Variants in CCDC85A observed in about 807,000 individuals in gnomAD.
CCDC85A encodes coiled-coil domain containing 85A, also known as coiled-coil domain-containing protein 85A.
A neutral mutation model predicts 50.2 loss-of-function variants in CCDC85A; 38 were observed. That is an observed-to-expected ratio of 0.76 (90% CI 0.58 to 0.99). The LOEUF (loss-of-function observed/expected upper bound fraction) is 0.99. CCDC85A is among the 50% of genes least tolerant of loss of function. The pLI is 0.00. For missense variants in CCDC85A, 820 were observed against 742.0 expected, an observed-to-expected ratio of 1.11 and a Z score of -1.22; for synonymous variants, 366 against 301.4, an observed-to-expected ratio of 1.21 and a Z score of -2.22.
At chr2:56,239,866 C>T (rs912214700) in intron 2 of CCDC85A, among the ~76,000 whole-genome samples, 8 of 152,082 alleles carry the variant, frequency 5.3e-5, no homozygotes, top group African/African-American at 1.9e-4. Flanking sequence ...CATTATAACT[C>T]GAGATCTTTT....
intron 1 of CCDC85A, among the ~76,000 whole-genome samples, chr2:56,186,601 T>C (rs1676058186): frequency 6.6e-6 from 1 of 152,238 alleles, no homozygotes; most frequent in Admixed American, 6.5e-5. Flanking sequence ...TCTTCCATGG[T>C]CTGAACAATA....
chr2:56,384,633 G>A lies in CCDC85A; in HGVS notation c.*278G>A, dbSNP rs1022273996. On this transcript the variant is annotated 3_prime_UTR_variant, in exon 6 of 6. Coordinates refer to ENST00000407595, the MANE Select transcript of CCDC85A (RefSeq NM_001080433.2). ...TTTGAAAATCAACATTTTGGTACCA[G>A]TGTTTTCATTAGAAATAAGTGTTTT... The A allele has an allele frequency of 9.4e-6, 3 of 317,828 alleles. No homozygotes were observed. The highest frequency in any genetic ancestry group is 4.2e-5 in the African/African-American group (2 of 47,746). The allele number at this position is 317,828 out of a possible 1,614,324, so 19.7% of individuals were successfully genotyped here.
intron 2 of CCDC85A, among the ~76,000 whole-genome samples, chr2:56,218,186 A>T (rs767271207): frequency 2.6e-5 from 4 of 152,074 alleles, no homozygotes; most frequent in Non-Finnish European, 5.9e-5. Context: ...GTGACTGCAG[A>T]TAAACAGTGC....
chr2:56,314,818 T>G (rs1224992247), intron 2 of CCDC85A, among the ~76,000 whole-genome samples: 2 of 152,148 alleles, frequency 1.3e-5, no homozygotes, highest in African/African-American at 4.8e-5. Flanking sequence ...TTCCTTCTCC[T>G]TTTCCTCTTG....
At chr2:56,368,025 C>A (rs571314467) in intron 3 of CCDC85A, among the ~76,000 whole-genome samples, 1 of 151,802 alleles carries the variant, frequency 6.6e-6, no homozygotes, top group Non-Finnish European at 1.5e-5. Context: ...GCACTGCGAC[C>A]CTGGAGTCTG....
intron 1 of CCDC85A, 117 bp downstream of exon 1, chr2:56,185,017 C>T (rs2103798426): frequency 7.9e-7 from 1 of 1,266,944 alleles, no homozygotes; most frequent in Non-Finnish European, 1.0e-6. Context: ...CCCCTTCTCC[C>T]GGTCGGCACC....
intron 2 of CCDC85A, among the ~76,000 whole-genome samples, chr2:56,316,769 A>T (rs1672940446): frequency 6.6e-6 from 1 of 152,150 alleles, no homozygotes; most frequent in Admixed American, 6.6e-5. Flanking sequence ...TTGCTGAATA[A>T]ATGTGTGACT....
chr2:56,378,707 A>G (rs895513338), intron 5 of CCDC85A, among the ~76,000 whole-genome samples: 1 of 152,190 alleles, frequency 6.6e-6, no homozygotes, highest in Admixed American at 6.5e-5. Flanking sequence ...AGATTCAGAT[A>G]GTGTCCATGA....
At chr2:56,312,186 A>G (rs1329744138) in intron 2 of CCDC85A, among the ~76,000 whole-genome samples, 2 of 152,120 alleles carry the variant, frequency 1.3e-5, no homozygotes. Context: ...TGTCACTATG[A>G]TTAATTATAG....
rs942630210 is a variant in CCDC85A at position 56,300,583 on chromosome 2, C to G, written c.1241-42296C>G. On this transcript the variant is annotated intron_variant, in intron 2 of 5. Coordinates refer to ENST00000407595, the MANE Select transcript of CCDC85A (RefSeq NM_001080433.2). ...GCAAGAAAAACATAGGAGCAGAAAA[C>G]ATGAATGCCCTTGTATGCTTAGGCA... Among the ~76,000 whole-genome samples the G allele has an allele frequency of 2.0e-5, 3 of 152,308 alleles. No individual in the cohort carries two copies. The East Asian group carries it at 5.8e-4, about 29-fold the overall frequency.
chr2:56,304,630 A>G (rs1672350545), intron 2 of CCDC85A, among the ~76,000 whole-genome samples: 1 of 152,222 alleles, frequency 6.6e-6, no homozygotes, highest in Non-Finnish European at 1.5e-5. Flanking sequence ...TACAAAAAAT[A>G]GGGTTCACCT....
intron 2 of CCDC85A, among the ~76,000 whole-genome samples, chr2:56,195,346 T>C (rs1676481928): frequency 6.6e-6 from 1 of 152,222 alleles, no homozygotes; most frequent in African/African-American, 2.4e-5. Flanking sequence ...GTGGGGCAGG[T>C]AAATGTTTCT....
At chr2:56,215,904 T>C (rs1012754782) in intron 2 of CCDC85A, among the ~76,000 whole-genome samples, 12 of 152,032 alleles carry the variant, frequency 7.9e-5, no homozygotes, top group African/African-American at 2.6e-4. Flanking sequence ...AAAAATAATA[T>C]TTTATGACAA....
intron 2 of CCDC85A, among the ~76,000 whole-genome samples, chr2:56,200,759 G>T (rs984620763): frequency 6.6e-6 from 1 of 152,160 alleles, no homozygotes; most frequent in Admixed American, 6.5e-5. Flanking sequence ...GTTATTCACA[G>T]ATGGCTGTTC....
intron 2 of CCDC85A, among the ~76,000 whole-genome samples, chr2:56,265,952 C>G (rs1670420744): frequency 6.6e-6 from 1 of 152,168 alleles, no homozygotes; most frequent in South Asian, 2.1e-4. Context: ...CAATGGCATA[C>G]TATTCAGTCT....
intron 2 of CCDC85A, among the ~76,000 whole-genome samples, chr2:56,218,957 T>C (rs1489686715): frequency 6.6e-6 from 1 of 151,792 alleles, no homozygotes; most frequent in Non-Finnish European, 1.5e-5. Flanking sequence ...GATATGCTAA[T>C]TATTCATTAC....
chr2:56,340,807 C>T (rs1198714529), intron 2 of CCDC85A, among the ~76,000 whole-genome samples: 1 of 129,206 alleles, frequency 7.7e-6, no homozygotes, highest in Non-Finnish European at 1.6e-5. Flanking sequence ...ACCTGGGAGG[C>T]GGAGGTTGTG....
chr2:56,243,444 A>G (rs1669356051), intron 2 of CCDC85A, among the ~76,000 whole-genome samples: 1 of 151,926 alleles, frequency 6.6e-6, no homozygotes, highest in African/African-American at 2.4e-5. Context: ...TCAGTATGTC[A>G]GTTGCATTTT....
chr2:56,374,035 T>C (rs1251929535), intron 4 of CCDC85A, among the ~76,000 whole-genome samples: 1 of 152,228 alleles, frequency 6.6e-6, no homozygotes, highest in Non-Finnish European at 1.5e-5. Context: ...CATTATTGTT[T>C]CTGATTTGAT....
Sources: allele counts gnomAD v4.1 joint callset (sites outside exome capture counted in the v4.1 genomes callset), GRCh38; gene constraint gnomAD v4.1.1; transcripts MANE v1.5; gene names NCBI Gene and HGNC (gene_info 2026-07-23, HGNC 2026-07-21).